ATP9B: variants seen among roughly 807,000 people sequenced by gnomAD.
The protein encoded by ATP9B is probable phospholipid-transporting ATPase IIB.
ATP9B carries 110 observed loss-of-function variants against 146.1 expected under a neutral mutation model. The observed-to-expected ratio is 0.75, with a 90% CI of 0.65 to 0.88. The LOEUF (loss-of-function observed/expected upper bound fraction) is 0.88, where lower values mean the gene tolerates loss of function less well. Ranked by LOEUF, ATP9B falls within the 40% of genes least tolerant of loss-of-function variation. The pLI is 0.00. For synonymous variants in ATP9B, 604 were observed against 569.7 expected, an observed-to-expected ratio of 1.06 and a Z score of -0.86; for missense variants, 1,499 against 1,496.4, an observed-to-expected ratio of 1.00 and a Z score of -0.03.
chr18:79,127,801 G>A (rs1165507000), intron 5 of ATP9B, among the ~76,000 whole-genome samples: 1 of 151,922 alleles, frequency 6.6e-6, no homozygotes, highest in Non-Finnish European at 1.5e-5. Context: ...TTTCCTAATT[G>A]GCCACACCAT....
At chr18:79,154,318 T>G (rs1311056479) in intron 6 of ATP9B, among the ~76,000 whole-genome samples, 186 bp from the exon 7 acceptor site, 1 of 152,082 alleles carries the variant, frequency 6.6e-6, no homozygotes, top group East Asian at 1.9e-4. Flanking sequence ...GAAAAAAATC[T>G]TAGCATTTCA....
At chr18:79,332,713 G>C (rs971308371) in intron 17 of ATP9B, 1 of 152,202 alleles carries the variant, frequency 6.6e-6, no homozygotes, top group Non-Finnish European at 1.5e-5. Context: ...TGTTGTTTAA[G>C]GGCCATCTGT....
intron 4 of ATP9B, among the ~76,000 whole-genome samples, chr18:79,113,727 C>T (rs2094013676): frequency 1.3e-5 from 2 of 152,148 alleles, no homozygotes; most frequent in South Asian, 4.1e-4. Flanking sequence ...CACACCCTGA[C>T]CATGGTGAGC....
intron 25 of ATP9B, 88 bp from the exon 26 acceptor site, chr18:79,359,266 G>T: frequency 1.0e-6 from 1 of 979,018 alleles, no homozygotes; most frequent in Admixed American, 2.4e-5. Flanking sequence ...TGGTGTTTTT[G>T]AAGCTGTGAC....
intron 1 of ATP9B, among the ~76,000 whole-genome samples, chr18:79,071,046 T>TTC (rs2071685576): frequency 7.6e-6 from 1 of 132,120 alleles, no homozygotes; most frequent in Non-Finnish European, 1.6e-5. Flanking sequence ...CTGATTCCTG[T>TTC]TTCTTTTTTT....
intron 25 of ATP9B, 52 bp downstream of exon 25, chr18:79,348,248 G>GAAAAA (rs56654324): frequency 1.3e-4 from 107 of 827,640 alleles, no homozygotes; most frequent in South Asian, 3.2e-4. Flanking sequence ...CTTCTATTTT[G>GAAAAA]AAAAAAAAAA....
chr18:79,125,466 A>G (rs1042591369), intron 4 of ATP9B, among the ~76,000 whole-genome samples: 12 of 152,252 alleles, frequency 7.9e-5, no homozygotes, highest in African/African-American at 2.9e-4. Context: ...TTGGTTATAC[A>G]GAAAACAAAA....
At chr18:79,101,099 G>GACA (rs1283362323) in intron 2 of ATP9B, among the ~76,000 whole-genome samples, 1 of 151,310 alleles carries the variant, frequency 6.6e-6, no homozygotes. Flanking sequence ...ACTTACCTTG[G>GACA]CACAGTGTGT....
chr18:79,082,715 C>G (rs905654982), intron 1 of ATP9B, among the ~76,000 whole-genome samples: 4 of 152,212 alleles, frequency 2.6e-5, no homozygotes, highest in African/African-American at 9.6e-5. Context: ...ATCCTGTTTA[C>G]CTGGGTTTCA....
rs143570337 is a variant in ATP9B, at chr18:79,330,200, T to C, written c.2028+96T>C. On this transcript the variant is annotated intron_variant, in intron 17 of 29. Transcript: ENST00000426216. ...TGGTTCACAGTGTTTCTATGAACTT[T>C]ATTGATAGATGACAGGAAAAGGATA... is the stretch of plus-strand genomic sequence containing the variant. 1.4e-5 allele frequency: 15 copies of C among 1,100,632 alleles called. No individual in the cohort carries two copies. In the African/African-American group the frequency reaches 2.3e-4, roughly 17 times the overall value. 68.2% of individuals were successfully genotyped at this position (1,100,632 alleles called of 1,614,324 possible).
intron 16 of ATP9B, 91 bp downstream of exon 16, chr18:79,329,393 A>G: frequency 7.3e-7 from 1 of 1,361,154 alleles, no homozygotes; most frequent in Non-Finnish European, 9.7e-7. Flanking sequence ...AAAGTTAAAC[A>G]TTTACTCAGG....
chr18:79,258,453 G>C (rs912673553), intron 12 of ATP9B, among the ~76,000 whole-genome samples: 5 of 152,084 alleles, frequency 3.3e-5, no homozygotes, highest in Admixed American at 3.3e-4. Flanking sequence ...ATAATAATAA[G>C]AGAAGAAGAT....
chr18:79,340,399 G>T (rs912989592), intron 19 of ATP9B: 1 of 152,146 alleles, frequency 6.6e-6, no homozygotes, highest in Non-Finnish European at 1.5e-5. Context: ...CGCAGTGCTA[G>T]TTCTTCTTCA....
At chr18:79,185,649 A>G (rs771016503) in intron 8 of ATP9B, among the ~76,000 whole-genome samples, 1 of 152,236 alleles carries the variant, frequency 6.6e-6, no homozygotes, top group African/African-American at 2.4e-5. Flanking sequence ...TTAGGTATAG[A>G]TCTTTTTTCT....
At position 79,340,865 on chromosome 18, in the gene ATP9B, AAAC is replaced by A. The variant is rs2096854443; in HGVS notation, c.2284-1402_2284-1400del. ...CTCCGTTTCCAACTAAAAAACTAGC[AAAC>A]TGCAGTGAAGGTCTTCATGAGCCTC... On this transcript the variant is annotated intron_variant, in intron 19 of 29. Transcript: ENST00000426216. 2.0e-5 allele frequency among the ~76,000 whole-genome samples: 3 copies of A among 152,216 alleles called. No homozygotes were observed. The South Asian group carries it at 6.2e-4, about 31-fold the overall frequency.
In ATP9B at chr18:79,278,565, C is replaced by T. The variant is rs77490643; in HGVS notation, c.1411+1369C>T. On this transcript the variant is annotated intron_variant, in intron 13 of 29. Transcript: ENST00000426216. The stretch of plus-strand genomic sequence containing the variant: ...AGGAGTCTCTGTTTTGGAAGTCATA[C>T]TATTATCTCAAAAGTAGAAATTCAG... 1.5e-3 allele frequency among the ~76,000 whole-genome samples: 230 copies of T among 152,286 alleles called. 5 individuals are homozygous for T. In the East Asian group the frequency reaches 0.033, roughly 22 times the overall value.
intron 6 of ATP9B, among the ~76,000 whole-genome samples, chr18:79,148,432 A>G (rs1357453408): frequency 2.0e-5 from 3 of 152,222 alleles, no homozygotes; most frequent in Non-Finnish European, 2.9e-5. Context: ...CCAGGTGTGT[A>G]AATGTGGTTC....
intron 13 of ATP9B, among the ~76,000 whole-genome samples, chr18:79,288,943 C>T (rs2096472413): frequency 6.6e-6 from 1 of 152,150 alleles, no homozygotes; most frequent in Non-Finnish European, 1.5e-5. Flanking sequence ...AATATTGGCC[C>T]CTACTCTCTT....
intron 4 of ATP9B, among the ~76,000 whole-genome samples, chr18:79,120,077 GTTC>G (rs1430260549): frequency 2.6e-5 from 4 of 152,122 alleles, no homozygotes; most frequent in African/African-American, 7.2e-5. Context: ...TGAAGAAAAT[GTTC>G]TTCAACAAGA....
Sources: allele counts gnomAD v4.1 joint callset (sites outside exome capture counted in the v4.1 genomes callset), GRCh38; gene constraint gnomAD v4.1.1; transcripts MANE v1.5; gene names NCBI Gene and HGNC (gene_info 2026-07-23, HGNC 2026-07-21).